The following TPH1 variants were observed in gnomAD, a reference collection of about 807,000 sequenced individuals.
TPH1 encodes the protein tryptophan 5-hydroxylase 1.
Under a neutral mutation model 49.5 loss-of-function variants are expected in TPH1, and 37 were observed. The ratio of observed to expected loss-of-function variants is 0.75; its 90% CI spans 0.58 to 0.98. The LOEUF is 0.98. TPH1 is among the 50% of genes least tolerant of loss of function. TPH1 has a pLI of 0.00. For missense variants in TPH1, 487 were observed against 523.6 expected (o/e 0.93, Z 0.68); for synonymous variants, 160 against 182.1 (o/e 0.88, Z 0.98).
Position 18,026,635 on chromosome 11 carries a change from A to G in TPH1, c.668-10T>C. On this transcript the variant is annotated splice_polypyrimidine_tract_variant and intron_variant, in intron 6 of 10. Transcript: ENST00000682019. ...GAAAAACCTGTACGCTCTGCAAAGC[A>G]AAGGAGAAAACAAAGAAAATCTTTA... 2 of 1,614,036 alleles carry G rather than the reference A, an allele frequency of 1.2e-6. No individual in the cohort carries two copies. Among genetic ancestry groups the G allele is most frequent in the East Asian group, 2.2e-5 (1 of 44,878 alleles).
chr11:18,040,452 T>C (rs1432853042), intron 2 of TPH1, among the ~76,000 whole-genome samples, 194 bp downstream of exon 2: 1 of 151,270 alleles, frequency 6.6e-6, no homozygotes, highest in Non-Finnish European at 1.5e-5. Flanking sequence ...ACTGTAACCC[T>C]GGACTCCCGG....
At chr11:18,035,494 C>T (rs188548180) in intron 3 of TPH1, among the ~76,000 whole-genome samples, 6 of 144,480 alleles carry the variant, frequency 4.2e-5, no homozygotes, top group Admixed American at 7.4e-5. Context: ...GGTACAATCT[C>T]GGCTCAGCTC....
intron 2 of TPH1, 40 bp from the exon 3 acceptor site, chr11:18,036,182 CA>C: frequency 6.7e-7 from 1 of 1,501,718 alleles, no homozygotes; most frequent in Non-Finnish European, 9.2e-7. Flanking sequence ...GTAACTGCCT[CA>C]AATGTTAATA....
At chr11:18,026,275 A>C (rs1477492069) in intron 7 of TPH1, among the ~76,000 whole-genome samples, 1 of 152,012 alleles carries the variant, frequency 6.6e-6, no homozygotes, top group African/African-American at 2.4e-5. Context: ...GCTAGCACCT[A>C]ATAGGTTGTC....
chr11:18,040,557 G>C (rs1386470307), intron 2 of TPH1, 89 bp downstream of exon 2: 2 of 1,296,884 alleles, frequency 1.5e-6, no homozygotes, highest in African/African-American at 3.0e-5. Context: ...TTAAGAGATA[G>C]GGTCTTGCTA....
At chr11:18,030,883 A>AGTTGGTGTC (rs2134029476) in intron 4 of TPH1, among the ~76,000 whole-genome samples, 1 of 152,300 alleles carries the variant, frequency 6.6e-6, no homozygotes, top group East Asian at 1.9e-4. Flanking sequence ...TGTTGAAACT[A>AGTTGGTGTC]GTTGGTGTCT....
chr11:18,022,940 CAA>C lies in TPH1; in HGVS notation c.1027-11_1027-10del. On this transcript the variant is annotated splice_polypyrimidine_tract_variant and intron_variant, in intron 9 of 10. Coordinates refer to ENST00000682019, the MANE Select transcript of TPH1 (RefSeq NM_004179.3). Reference sequence around the variant, plus strand: ...TGTCCAGAAAGTGCATGCTAGAAGACAAAGAGTCAGTGAATCAAAGAATAATA... The same window carrying C: ...TGTCCAGAAAGTGCATGCTAGAAGACAGAGTCAGTGAATCAAAGAATAATA... The C allele has an allele frequency of 1.2e-6, 2 of 1,612,878 alleles. No homozygotes were observed. Among genetic ancestry groups the C allele is most frequent in the Non-Finnish European group, 1.7e-6 (2 of 1,179,354 alleles).
Position 18,033,285 on chromosome 11 carries a change from C to T in TPH1, c.391G>A (p.Ala131Thr). 1 of 1,612,104 alleles carries T rather than the reference C, an allele frequency of 6.2e-7. No individual in the cohort carries two copies. The highest frequency in any genetic ancestry group is 8.5e-7 in the Non-Finnish European group (1 of 1,178,218). ...AAGAAAATACTTACAGGATGGTCTG[C>T]ATCTAGTTCAGATCCATACATCAGA... The part of the protein sequence containing the change: ...RVLMYGSELD[A>T]DHPGFKDNVY... The change falls in exon 4 of 11, where the codon GCA becomes ACA. Residue 131 changes from alanine to threonine, a missense_variant. Physicochemically the swap from Ala to Thr is moderately conservative, Grantham distance 58. Coordinates refer to ENST00000682019, the MANE Select transcript of TPH1 (RefSeq NM_004179.3).
rs776390496 is a variant in TPH1 at position 18,036,056 on chromosome 11, G to A, written c.204C>T (p.Ile68=). Residue 68 remains isoleucine (I), a synonymous_variant, in exon 3 of 11, where the codon ATC becomes ATT. Transcript: ENST00000682019. ...AAATATCATTCAATTGTTCTCTGTT[G>A]ATGTCACAGTCAACAAAAATCTCAA... ...SEFEIFVDCD[I]NREQLNDIFH... is the part of the protein sequence containing the mutation. 1.9e-6 allele frequency: 3 copies of A among 1,612,700 alleles called. No individual in the cohort carries two copies. The highest frequency in any genetic ancestry group is 2.5e-6 in the Non-Finnish European group (3 of 1,179,522).
rs1854311067 is a variant in TPH1 at position 18,017,575 on chromosome 11, T to C, written c.*3416A>G. ...ATTGGTTGAGAACATAAATTTTGTG[T>C]TCATTTATTATCCCACTGAATAACA... On this transcript the variant is annotated 3_prime_UTR_variant, in exon 11 of 11. Transcript: ENST00000682019. The C allele has an allele frequency of 6.6e-6, 1 of 152,250 alleles. No individual in the cohort carries two copies. Among genetic ancestry groups the C allele is most frequent in the Non-Finnish European group, 1.5e-5 (1 of 68,040 alleles). 9.4% of individuals were successfully genotyped at this position (152,250 alleles called of 1,614,324 possible).
At chr11:18,034,591 GA>G (rs1413287174) in intron 3 of TPH1, among the ~76,000 whole-genome samples, 4 of 152,194 alleles carry the variant, frequency 2.6e-5, no homozygotes, top group African/African-American at 9.7e-5. Flanking sequence ...CTGCCAGCCA[GA>G]AGTGGAGATA....
Position 18,026,631 on chromosome 11 carries a change from A to G in TPH1, c.668-6T>C, listed in dbSNP as rs761195811. The G allele has an allele frequency of 5.5e-5, 88 of 1,613,940 alleles. No homozygotes were observed. The highest frequency in any genetic ancestry group is 6.7e-5 in the Non-Finnish European group (79 of 1,179,944). ...GATGGAAAAACCTGTACGCTCTGCA[A>G]AGCAAAGGAGAAAACAAAGAAAATC... On this transcript the variant is annotated splice_polypyrimidine_tract_variant and splice_region_variant and intron_variant, in intron 6 of 10. Transcript: ENST00000682019.
At chr11:18,024,035 A>G in intron 8 of TPH1, 52 bp from the exon 9 acceptor site, 1 of 1,391,462 alleles carries the variant, frequency 7.2e-7, no homozygotes, top group Non-Finnish European at 1.0e-6. Flanking sequence ...TCAACTTAAA[A>G]CAAATTACAA....
At position 18,040,521 on chromosome 11, in the gene TPH1, C is replaced by A. The variant is rs975462368; in HGVS notation, c.117+125G>T. 36 of 940,118 alleles carry A rather than the reference C, an allele frequency of 3.8e-5. No individual in the cohort carries two copies. The Admixed American group carries it at 9.2e-4, about 24-fold the overall frequency. 58.2% of individuals were successfully genotyped at this position (940,118 alleles called of 1,614,324 possible). A position where few individuals can be genotyped will look rare whatever the true frequency, so the allele number is the denominator to read the frequency against. On this transcript the variant is annotated intron_variant, in intron 2 of 10. Transcript: ENST00000682019. ...TAGCTGGAACTACAGGAGTCCACCA[C>A]CACACCCAGCTAAATTTGTTTTTTT...
intron 4 of TPH1, among the ~76,000 whole-genome samples, chr11:18,030,299 G>C (rs1017362841): frequency 6.6e-6 from 1 of 152,018 alleles, no homozygotes; most frequent in Non-Finnish European, 1.5e-5. Context: ...GTGCATGCCT[G>C]TTGTCCCAGC....
chr11:18,029,511 C>G lies in TPH1; in HGVS notation c.470+1G>C, dbSNP rs1170959161. 1.2e-6 allele frequency: 2 copies of G among 1,607,380 alleles called. No individual in the cohort carries two copies. Among genetic ancestry groups the G allele is most frequent in the East Asian group, 4.5e-5 (2 of 44,816 alleles). ...GACTATATTTTTTTAAATATACTTA[C>G]TGTTTATAGTTCATAGCCAAGTCCG... is the stretch of plus-strand genomic sequence containing the variant. On this transcript the variant is annotated splice_donor_variant, in intron 5 of 10. Coordinates refer to ENST00000682019, the MANE Select transcript of TPH1 (RefSeq NM_004179.3). LOFTEE classifies it high-confidence loss of function.
chr11:18,032,602 G>T (rs2134030370), intron 4 of TPH1, among the ~76,000 whole-genome samples: 1 of 143,556 alleles, frequency 7.0e-6, no homozygotes, highest in South Asian at 2.2e-4. Flanking sequence ...CTGGAGTGCG[G>T]TCGTGTGATC....
At chr11:18,024,308 T>A (rs1854396386) in intron 8 of TPH1, among the ~76,000 whole-genome samples, 1 of 152,206 alleles carries the variant, frequency 6.6e-6, no homozygotes, top group South Asian at 2.1e-4. Context: ...TTTAATAAAC[T>A]CATTTTATGG....
chr11:18,025,010 G>A (rs1847914198), intron 8 of TPH1, among the ~76,000 whole-genome samples: 2 of 152,186 alleles, frequency 1.3e-5, no homozygotes, highest in Non-Finnish European at 2.9e-5. Context: ...AGAGCAATGT[G>A]AACTTTGCTA....
Sources: allele counts gnomAD v4.1 joint callset (sites outside exome capture counted in the v4.1 genomes callset), GRCh38; gene constraint gnomAD v4.1.1; transcripts MANE v1.5; gene names NCBI Gene and HGNC (gene_info 2026-07-23, HGNC 2026-07-21).